Variants in CNDP1 observed in about 807,000 individuals in gnomAD.
CNDP1 encodes carnosine dipeptidase 1, also known as beta-Ala-His dipeptidase.
A neutral mutation model predicts 58.1 loss-of-function variants in CNDP1; 44 were observed. That is an observed-to-expected ratio of 0.76 (90% CI 0.60 to 0.97). The LOEUF is 0.97. Among genes scored for constraint, CNDP1 ranks in the 50% least tolerant of loss-of-function variants. CNDP1 has a pLI of 0.00. For synonymous variants in CNDP1, 254 were observed against 252.6 expected (o/e 1.01, Z -0.05); for missense variants, 616 against 655.1 (o/e 0.94, Z 0.65).
chr18:74,536,533 A>C (rs1032301033), intron 1 of CNDP1, among the ~76,000 whole-genome samples: 1 of 151,808 alleles, frequency 6.6e-6, no homozygotes, highest in Non-Finnish European at 1.5e-5. Flanking sequence ...TTCTTTACCC[A>C]GTCTGTCATT....
At chr18:74,556,913 T>C (rs34365714) in intron 2 of CNDP1, among the ~76,000 whole-genome samples, 46,116 of 152,140 alleles carry the variant, frequency 0.3, 7,554 homozygotes, top group East Asian at 0.49. Flanking sequence ...CATTCATTCA[T>C]TCAATTTATT....
intron 1 of CNDP1, among the ~76,000 whole-genome samples, chr18:74,546,991 A>G (rs919467650): frequency 4.6e-5 from 7 of 152,082 alleles, no homozygotes; most frequent in African/African-American, 1.7e-4. Context: ...TGCTCCCTGG[A>G]GTTTCTCCAG....
intron 1 of CNDP1, among the ~76,000 whole-genome samples, chr18:74,534,973 T>C (rs1980450293): frequency 6.6e-6 from 1 of 152,216 alleles, no homozygotes; most frequent in African/African-American, 2.4e-5. Context: ...TCAGTCTTCT[T>C]AAATCAATTT....
At chr18:74,555,979 T>G (rs2144651917) in intron 1 of CNDP1, among the ~76,000 whole-genome samples, 1 of 151,666 alleles carries the variant, frequency 6.6e-6, no homozygotes, top group South Asian at 2.1e-4. Flanking sequence ...TTTTTGGTTC[T>G]ACCTTACTCT....
chr18:74,551,382 AC>A (rs1286789282), intron 1 of CNDP1, among the ~76,000 whole-genome samples: 3 of 151,070 alleles, frequency 2.0e-5, no homozygotes, highest in Admixed American at 6.6e-5. Context: ...ACACACACAC[AC>A]ACACACACAC....
intron 7 of CNDP1, 63 bp from the exon 8 acceptor site, chr18:74,576,806 C>T (rs1004019572): frequency 6.7e-7 from 1 of 1,493,736 alleles, no homozygotes; most frequent in African/African-American, 1.4e-5. Flanking sequence ...CAGTCTGGCT[C>T]CAGGACCACA....
In CNDP1 at chr18:74,559,470, C is replaced by T; in HGVS notation, c.301C>T (p.Gln101Ter). 3 of 1,606,672 alleles carry T rather than the reference C, an allele frequency of 1.9e-6. No individual in the cohort carries two copies. In the South Asian group the frequency reaches 3.3e-5, roughly 18 times the overall value. ...GGCCTCGGTGGACATGGGTCCTCAGCAGGTGCTGTACGATTCCCTCCCACT... is the reference window on the plus strand; with the variant it reads ...GGCCTCGGTGGACATGGGTCCTCAGTAGGTGCTGTACGATTCCCTCCCACT... ...RVASVDMGPQ[Q>*]LPDGQSLPIP... Residue 101 changes from glutamine to a stop codon, truncating the protein, a stop_gained and splice_region_variant, in exon 3 of 12, where the codon CAG becomes TAG. Transcript: ENST00000358821. LOFTEE classifies it high-confidence loss of function.
chr18:74,557,232 T>C (rs1199233862), intron 2 of CNDP1, among the ~76,000 whole-genome samples: 2 of 151,818 alleles, frequency 1.3e-5, no homozygotes, highest in Non-Finnish European at 2.9e-5. Context: ...TTTTTTCTGT[T>C]ATTTTTTGAG....
At position 74,549,507 on chromosome 18, in the gene CNDP1, C is replaced by CT. The variant is rs1168276358; in HGVS notation, c.25-6820dup. Among the ~76,000 whole-genome samples the CT allele has an allele frequency of 2.0e-3, 287 of 146,502 alleles. 1 individual carries two copies. The highest frequency in any genetic ancestry group is 4.2e-3 in the Admixed American group (62 of 14,664). ...AAATGAGCACTGGCAGTGAGCTGCACTTTTTTTTTTTCTAAATGGGAAAAA... is the reference window on the plus strand; with the variant it reads ...AAATGAGCACTGGCAGTGAGCTGCACTTTTTTTTTTTTCTAAATGGGAAAAA... On this transcript the variant is annotated intron_variant, in intron 1 of 11. Coordinates refer to ENST00000358821, the MANE Select transcript of CNDP1 (RefSeq NM_032649.6).
chr18:74,570,507 G>T (rs1204480175), intron 6 of CNDP1, among the ~76,000 whole-genome samples: 2 of 152,202 alleles, frequency 1.3e-5, no homozygotes, highest in Non-Finnish European at 2.9e-5. Context: ...GATAGTGGAA[G>T]AATGTGTTTG....
chr18:74,565,075 G>T (rs373498873), intron 5 of CNDP1, among the ~76,000 whole-genome samples: 9 of 152,196 alleles, frequency 5.9e-5, no homozygotes, highest in Admixed American at 4.6e-4. Context: ...AGCAGCAAGA[G>T]TAAATGAGGA....
At chr18:74,577,946 A>T in intron 8 of CNDP1, 1 of 458,820 alleles carries the variant, frequency 2.2e-6, no homozygotes, top group Non-Finnish European at 3.9e-6. Flanking sequence ...GGCACTCATC[A>T]ATGGGGAGCA....
At chr18:74,547,294 ATTC>A (rs1370276644) in intron 1 of CNDP1, among the ~76,000 whole-genome samples, 59 of 152,340 alleles carry the variant, frequency 3.9e-4, no homozygotes, top group African/African-American at 1.4e-3. Flanking sequence ...GGGCAATAGA[ATTC>A]TCGGCTTCCA....
At chr18:74,574,347 G>A (rs1981574894) in intron 7 of CNDP1, among the ~76,000 whole-genome samples, 2 of 152,372 alleles carry the variant, frequency 1.3e-5, no homozygotes, top group Admixed American at 1.3e-4. Flanking sequence ...GAGCTGCTAA[G>A]AGGATACTTG....
chr18:74,555,430 G>A (rs1423181635), intron 1 of CNDP1, among the ~76,000 whole-genome samples: 1 of 152,140 alleles, frequency 6.6e-6, no homozygotes, highest in African/African-American at 2.4e-5. Context: ...GGCTGCACTG[G>A]GGGAGATGTT....
At chr18:74,555,732 G>A (rs1349689447) in intron 1 of CNDP1, among the ~76,000 whole-genome samples, 1 of 152,098 alleles carries the variant, frequency 6.6e-6, no homozygotes, top group African/African-American at 2.4e-5. Flanking sequence ...GCACCATGTT[G>A]GCCAGGCTGG....
chr18:74,545,888 A>G lies in CNDP1; in HGVS notation c.25-10450A>G, dbSNP rs578027694. Among the ~76,000 whole-genome samples the G allele has an allele frequency of 1.9e-3, 291 of 152,282 alleles. No homozygotes were observed. The highest frequency in any genetic ancestry group is 6.8e-3 in the Middle Eastern group (2 of 294). ...GGGTTTTGGCTCCAGCGTCAGGCAC[A>G]GCCTCATGGATCCCTTAGGATTTAC... On this transcript the variant is annotated intron_variant, in intron 1 of 11. Transcript: ENST00000358821. This position sits in a 1 kb window ranked among gnomAD's most constrained non-coding sequence, Gnocchi z 4.1.
rs1980439148 is a variant in CNDP1, at chr18:74,534,650, C to T, written c.-18C>T. On this transcript the variant is annotated 5_prime_UTR_variant, in exon 1 of 12. Transcript: ENST00000358821. ...TGGAGGTTGGGAAAGTTGCTAGAGGCTTCAGAACTCCAGCCTAATGGATCC... is the reference window on the plus strand; with the variant it reads ...TGGAGGTTGGGAAAGTTGCTAGAGGTTTCAGAACTCCAGCCTAATGGATCC... The T allele has an allele frequency of 6.2e-7, 1 of 1,614,110 alleles. No individual in the cohort carries two copies. Among genetic ancestry groups the T allele is most frequent in the East Asian group, 2.2e-5 (1 of 44,884 alleles).
At chr18:74,568,997 A>T (rs34726849) in intron 6 of CNDP1, among the ~76,000 whole-genome samples, 2,011 of 152,196 alleles carry the variant, frequency 0.013, 15 homozygotes, top group Non-Finnish European at 0.023. Context: ...ATTCAGGTTG[A>T]ACAGGGGAAA....
Sources: gnomAD v4.1 joint callset for allele counts (sites outside exome capture counted in the v4.1 genomes callset) on GRCh38, gnomAD v4.1.1 for gene constraint, Gnocchi (gnomAD v3.1) non-coding constraint, MANE v1.5 for transcripts, NCBI Gene and HGNC (gene_info 2026-07-23, HGNC 2026-07-21) for gene names.